The following SEC14L2 variants were observed in gnomAD, a reference collection of about 807,000 sequenced individuals.
The protein encoded by SEC14L2 is SEC14 like lipid binding 2.
SEC14L2 carries 50 observed loss-of-function variants against 56.9 expected under a neutral mutation model. That is an observed-to-expected ratio of 0.88 (90% confidence interval 0.70 to 1.11). SEC14L2 has a LOEUF of 1.11. Among genes scored for constraint, SEC14L2 ranks in the 50% most tolerant of loss-of-function variants. SEC14L2 has a pLI of 0.00. For synonymous variants in SEC14L2, 179 were observed against 188.5 expected (o/e 0.95, Z 0.41); for missense variants, 414 against 500.7 (o/e 0.83, Z 1.65).
chr22:30,406,493 A>G lies in SEC14L2; in HGVS notation c.174+108A>G, dbSNP rs1328534349. The G allele has an allele frequency of 4.6e-6, 5 of 1,091,340 alleles. No homozygotes were observed. In the East Asian group the frequency reaches 7.6e-5, roughly 17 times the overall value. The allele number at this position is 1,091,340 out of a possible 1,614,324, so 67.6% of individuals were successfully genotyped here. A position where few individuals can be genotyped will look rare whatever the true frequency, so the allele number is the denominator to read the frequency against. The stretch of plus-strand genomic sequence containing the variant: ...CCAATCACAGCTTTTGGCTTTGAGT[A>G]TTAGCCGACCACTGTTGCCTTATCC... On this transcript the variant is annotated intron_variant, in intron 3 of 11. Coordinates refer to ENST00000615189, the MANE Select transcript of SEC14L2 (RefSeq NM_012429.5).
chr22:30,411,909 G>A (rs1215757353), intron 8 of SEC14L2, among the ~76,000 whole-genome samples: 1 of 152,140 alleles, frequency 6.6e-6, no homozygotes, highest in Non-Finnish European at 1.5e-5. Context: ...CTAGGAAGGG[G>A]GTGATGCCTA....
intron 11 of SEC14L2, chr22:30,417,032 C>G: frequency 4.3e-6 from 1 of 230,558 alleles, no homozygotes; most frequent in Non-Finnish European, 7.2e-6. Context: ...GATACAGGAA[C>G]AAGGATATTC....
chr22:30,403,414 T>A (rs1018486576), intron 2 of SEC14L2, among the ~76,000 whole-genome samples: 1 of 152,070 alleles, frequency 6.6e-6, no homozygotes, highest in Non-Finnish European at 1.5e-5. Flanking sequence ...TCTCTGCATT[T>A]TACAGGTCTA....
chr22:30,415,930 T>A lies in SEC14L2; in HGVS notation c.772-18T>A, dbSNP rs775116810. On this transcript the variant is annotated intron_variant, in intron 9 of 11. Transcript: ENST00000615189. ...GGCTCAAATGCACATTCCAGTTCAC[T>A]CCATGCCATGCTTCTAGATCAACTA... 4 of 1,614,120 alleles carry A rather than the reference T, an allele frequency of 2.5e-6. No individual in the cohort carries two copies. The highest frequency in any genetic ancestry group is 3.4e-6 in the Non-Finnish European group (4 of 1,179,986).
rs1417295686 is a variant in SEC14L2, at chr22:30,412,263, A to G, written c.664+1584A>G. ...GCACGAGCCTCTGTCTCTACAAAAA[A>G]AAGTAAAAAATTAGCTGTGCATAGT... On this transcript the variant is annotated intron_variant, in intron 8 of 11. Coordinates refer to ENST00000615189, the MANE Select transcript of SEC14L2 (RefSeq NM_012429.5). Among the ~76,000 whole-genome samples the G allele has an allele frequency of 2.0e-5, 3 of 152,346 alleles. No homozygotes were observed. In the South Asian group the frequency reaches 6.2e-4, roughly 32 times the overall value.
intron 4 of SEC14L2, 114 bp from the exon 5 acceptor site, chr22:30,407,301 G>A (rs897827660): frequency 7.0e-6 from 10 of 1,436,168 alleles, no homozygotes; most frequent in Non-Finnish European, 8.7e-6. Context: ...GCATCTGTTG[G>A]TACCCAGGAG....
In SEC14L2 at chr22:30,423,267, C is replaced by T. The variant is rs1452189147; in HGVS notation, c.*860C>T. On this transcript the variant is annotated 3_prime_UTR_variant, in exon 12 of 12. Coordinates refer to ENST00000615189, the MANE Select transcript of SEC14L2 (RefSeq NM_012429.5). The stretch of plus-strand genomic sequence containing the variant: ...GTCCTCCATGTGAGCAACCCCGAGA[C>T]AAAAATGCTAAGTGGGATCAAGAGA... The T allele has an allele frequency of 1.3e-5, 2 of 152,736 alleles. No individual in the cohort carries two copies. The highest frequency in any genetic ancestry group is 6.5e-5 in the Admixed American group (1 of 15,282). The allele number at this position is 152,736 out of a possible 1,614,324, so 9.5% of individuals were successfully genotyped here.
chr22:30,409,513 GC>G, intron 7 of SEC14L2, 27 bp downstream of exon 7: 1 of 1,608,252 alleles, frequency 6.2e-7, no homozygotes, highest in Non-Finnish European at 8.5e-7. Context: ...TTGTGATAAA[GC>G]CAGATGGAAA....
intron 2 of SEC14L2, among the ~76,000 whole-genome samples, chr22:30,403,285 TCTC>T (rs1055711732): frequency 6.6e-6 from 1 of 152,098 alleles, no homozygotes; most frequent in Admixed American, 6.6e-5. Context: ...GGTCCGCAAG[TCTC>T]CTCTGCTTCC....
chr22:30,398,770 A>G, intron 1 of SEC14L2: 1 of 471,210 alleles, frequency 2.1e-6, no homozygotes, highest in Non-Finnish European at 4.4e-6. Context: ...TCCATGGGGC[A>G]GAAGACCATG....
rs766246309 is a variant in SEC14L2 at position 30,416,389 on chromosome 22, G to A, written c.1067G>A (p.Ser356Asn). 2 of 1,614,128 alleles carry A rather than the reference G, an allele frequency of 1.2e-6. No homozygotes were observed. The highest frequency in any genetic ancestry group is 1.1e-5 in the South Asian group (1 of 91,092). The change falls in exon 11 of 12, where the codon AGT (serine) becomes AAT (asparagine). Residue 356 changes from serine (S) to asparagine (N), a missense_variant. Transcript: ENST00000615189. ...LVPEDGTLTC[S>N]DPGIYVLRFD... ...CCTGAAGATGGGACCCTCACCTGCA[G>A]TGATCCTGGCATCTGTAAGTATCTC...
At chr22:30,408,907 G>A (rs985799895) in intron 5 of SEC14L2, 8 of 487,770 alleles carry the variant, frequency 1.6e-5, no homozygotes, top group African/African-American at 1.4e-4. Context: ...GGAAGGGGGA[G>A]GCCATCAGGC....
intron 2 of SEC14L2, chr22:30,400,431 T>C (rs1487912656): frequency 1.3e-5 from 2 of 152,270 alleles, no homozygotes; most frequent in African/African-American, 4.8e-5. Flanking sequence ...ACATTTCTAC[T>C]GGCATGAGGG....
chr22:30,415,855 G>A lies in SEC14L2; in HGVS notation c.761G>A (p.Cys254Tyr). ...TMTDPDGNPKCKSKINYGGDI... is the reference protein window; with the variant it reads ...TMTDPDGNPKYKSKINYGGDI... ...ACTGACCCTGATGGAAACCCCAAGT[G>A]CAAATCCAAGGTATGAGCCGCCAGA... is the stretch of plus-strand genomic sequence containing the variant. Residue 254 changes from cysteine to tyrosine, a missense_variant, in exon 9 of 12, where the codon TGC becomes TAC. Coordinates refer to ENST00000615189, the MANE Select transcript of SEC14L2 (RefSeq NM_012429.5). 6.2e-7 allele frequency: 1 copy of A among 1,614,180 alleles called. No homozygotes were observed.
chr22:30,399,594 C>T, intron 1 of SEC14L2, 49 bp from the exon 2 acceptor site: 1 of 1,415,708 alleles, frequency 7.1e-7, no homozygotes, highest in South Asian at 1.2e-5. Flanking sequence ...AGGCAGAGGG[C>T]AGCAGTCAGG....
At chr22:30,418,794 C>T (rs1039765726) in intron 11 of SEC14L2, among the ~76,000 whole-genome samples, 2 of 152,116 alleles carry the variant, frequency 1.3e-5, no homozygotes, top group African/African-American at 4.8e-5. Flanking sequence ...AGCTCATCTG[C>T]GGGAGGGCAA....
At chr22:30,417,141 CAT>C (rs1934409610) in intron 11 of SEC14L2, among the ~76,000 whole-genome samples, 1 of 152,286 alleles carries the variant, frequency 6.6e-6, no homozygotes, top group South Asian at 2.1e-4. Flanking sequence ...AATAAACTGA[CAT>C]GTAAACTGTC....
At chr22:30,410,125 G>C (rs951371651) in intron 7 of SEC14L2, among the ~76,000 whole-genome samples, 4 of 150,888 alleles carry the variant, frequency 2.7e-5, no homozygotes, top group African/African-American at 9.8e-5. Context: ...TTGAACCCGG[G>C]AGGTGGAGGA....
At chr22:30,422,243 C>T in intron 11 of SEC14L2, 34 bp from the exon 12 acceptor site, 1 of 1,612,844 alleles carries the variant, frequency 6.2e-7, no homozygotes, top group Non-Finnish European at 8.5e-7. Context: ...GCCAGAACTG[C>T]CTGAATGTCT....
Sources: gnomAD v4.1 joint callset for allele counts (sites outside exome capture counted in the v4.1 genomes callset) on GRCh38, gnomAD v4.1.1 for gene constraint, MANE v1.5 for transcripts, NCBI Gene and HGNC (gene_info 2026-07-23, HGNC 2026-07-21) for gene names.